The following KDM5A variants were observed in gnomAD, a reference collection of about 807,000 sequenced individuals.
KDM5A encodes lysine-specific demethylase 5A.
A neutral mutation model predicts 193.5 loss-of-function variants in KDM5A; 42 were observed. That is an observed-to-expected ratio of 0.22 (90% CI 0.17 to 0.28). The LOEUF (loss-of-function observed/expected upper bound fraction) is 0.28. Ranked by LOEUF, KDM5A falls within the 10% of genes least tolerant of loss-of-function variation. The probability of loss-of-function intolerance (pLI) is 1.00; values close to 1 mark genes in which losing one functional copy is unlikely to be tolerated. For missense variants in KDM5A, 1,692 were observed against 2,055.1 expected (o/e 0.82, Z 3.42); for synonymous variants, 796 against 718.1 (o/e 1.11, Z -1.73).
chr12:313,177 G>C lies in KDM5A; in HGVS notation c.2915C>G (p.Ala972Gly). The C allele has an allele frequency of 6.2e-7, 1 of 1,614,044 alleles. No individual in the cohort carries two copies. The highest frequency in any genetic ancestry group is 8.5e-7 in the Non-Finnish European group (1 of 1,179,952). ...CLQARPRHSV[A>G]SLESIVNEAK... is the part of the protein sequence containing the mutation. ...TTCATTCACAATGCTTTCTAAACTTGCCACACTGTGCCTCGGTCTAAAAGA... is the reference window on the plus strand; with the variant it reads ...TTCATTCACAATGCTTTCTAAACTTCCCACACTGTGCCTCGGTCTAAAAGA... The change falls in exon 20 of 28, where the codon GCA (alanine) becomes GGA (glycine). Residue 972 changes from alanine to glycine, a missense_variant. Ala to Gly is a moderately conservative substitution (Grantham distance 60, BLOSUM62 0). This residue lies in a region of KDM5A where 965 missense variants were observed against 1,061.0 expected (regional missense o/e 0.91). Transcript: ENST00000399788.
intron 20 of KDM5A, among the ~76,000 whole-genome samples, chr12:312,782 G>T (rs184370930): frequency 2.0e-5 from 3 of 152,272 alleles, no homozygotes; most frequent in African/African-American, 4.8e-5. Flanking sequence ...GACTGACTGG[G>T]AGCTGTGGCT....
At chr12:374,783 T>G (rs1944480229) in intron 3 of KDM5A, among the ~76,000 whole-genome samples, 1 of 152,192 alleles carries the variant, frequency 6.6e-6, no homozygotes, top group African/African-American at 2.4e-5. Flanking sequence ...TGACAAAATC[T>G]CTCAGCATTT....
chr12:357,853 A>C (rs1289910452), intron 5 of KDM5A, among the ~76,000 whole-genome samples: 1 of 149,116 alleles, frequency 6.7e-6, no homozygotes, highest in East Asian at 2.0e-4. Context: ...AAAAAAAAAA[A>C]AGCCCTTTTG....
intron 3 of KDM5A, among the ~76,000 whole-genome samples, chr12:367,182 G>C (rs376205359): frequency 2.0e-5 from 3 of 152,290 alleles, no homozygotes; most frequent in Admixed American, 6.5e-5. Flanking sequence ...TGAGAATAAA[G>C]GGGACTGTGA....
chr12:382,718 G>A (rs1342716889), intron 3 of KDM5A, among the ~76,000 whole-genome samples: 3 of 152,108 alleles, frequency 2.0e-5, no homozygotes, highest in Non-Finnish European at 2.9e-5. Flanking sequence ...CGGATCACGA[G>A]GTCAGAAGTT....
At chr12:298,060 T>A (rs534195346) in intron 24 of KDM5A, among the ~76,000 whole-genome samples, 5 of 152,118 alleles carry the variant, frequency 3.3e-5, no homozygotes, top group Non-Finnish European at 7.4e-5. Context: ...GACTTATAGA[T>A]AAAACCCCCA....
At chr12:325,912 G>A (rs555548186) in intron 14 of KDM5A, among the ~76,000 whole-genome samples, 1 of 152,152 alleles carries the variant, frequency 6.6e-6, no homozygotes, top group Non-Finnish European at 1.5e-5. Context: ...TACCCGGGAG[G>A]CTAAGGCAGG....
rs770784469 is a variant in KDM5A at position 322,544 on chromosome 12, G to A, written c.2299C>T (p.Leu767=). Residue 767 remains leucine, a synonymous_variant, in exon 17 of 28, where the codon CTG becomes TTG. Transcript: ENST00000399788. ...TATTTCCTATCCTCAGCATCTTCCAGCATTACTCGCAATTCAATCAAATCT... is the reference window on the plus strand; with the variant it reads ...TATTTCCTATCCTCAGCATCTTCCAACATTACTCGCAATTCAATCAAATCT... ...KKDLIELRVM[L]EDAEDRKYPE... The A allele has an allele frequency of 1.2e-6, 2 of 1,612,390 alleles. No homozygotes were observed. The highest frequency in any genetic ancestry group is 1.1e-5 in the South Asian group (1 of 91,034).
Position 319,630 on chromosome 12 carries a change from T to C in KDM5A, c.2542-1169A>G, listed in dbSNP as rs371778031. 9.9e-5 allele frequency among the ~76,000 whole-genome samples: 15 copies of C among 152,234 alleles called. No homozygotes were observed. In the East Asian group the frequency reaches 2.3e-3, roughly 24 times the overall value. On this transcript the variant is annotated intron_variant, in intron 18 of 27. Transcript: ENST00000399788. ...AGCCAGGCGTGGTGGTGTGCACCTA[T>C]AGTGCACCAGCAACTTGGGAGGCTG...
chr12:310,990 A>G lies in KDM5A; in HGVS notation c.3111T>C (p.Leu1037=). 1.2e-6 allele frequency: 2 copies of G among 1,614,186 alleles called. No individual in the cohort carries two copies. The highest frequency in any genetic ancestry group is 4.5e-5 in the East Asian group (2 of 44,890). The change falls in exon 21 of 28, where the codon CTT becomes CTC. Residue 1037 remains leucine, a synonymous_variant. Coordinates refer to ENST00000399788, the MANE Select transcript of KDM5A (RefSeq NM_001042603.3). Reference sequence around the variant, plus strand: ...GTGATTCCACTTGCGGCAGTGCTTCAAGACGCACAGGAATAGGGCGTCCTT... The same window carrying G: ...GTGATTCCACTTGCGGCAGTGCTTCGAGACGCACAGGAATAGGGCGTCCTT... ...SAKGRPIPVR[L]EALPQVESQV... is the part of the protein sequence containing the mutation.
At position 307,842 on chromosome 12, in the gene KDM5A, T is replaced by C. The variant is rs1943530644; in HGVS notation, c.3542A>G (p.Lys1181Arg). 6.2e-7 allele frequency: 1 copy of C among 1,614,196 alleles called. No homozygotes were observed. Reference sequence around the variant, plus strand: ...AACACAGCTGTTATGGAACCAGTCTTTGCAGAGCTCACACTGTAGCATAAA... The same window carrying C: ...AACACAGCTGTTATGGAACCAGTCTCTGCAGAGCTCACACTGTAGCATAAA... ...SGFMLQCELCKDWFHNSCVPL... is the reference protein window; with the variant it reads ...SGFMLQCELCRDWFHNSCVPL... The change falls in exon 23 of 28, where the codon AAA becomes AGA. Residue 1181 changes from lysine (K) to arginine (R), a missense_variant. By Grantham distance (26) the Lys-to-Arg change is conservative. Transcript: ENST00000399788. This position sits in a 1 kb window ranked among gnomAD's most constrained non-coding sequence, Gnocchi z 4.3.
intron 3 of KDM5A, among the ~76,000 whole-genome samples, chr12:375,801 C>A (rs965391170): frequency 6.6e-6 from 1 of 152,208 alleles, no homozygotes; most frequent in African/African-American, 2.4e-5. Context: ...TTCTAACAGT[C>A]AGGACCCTCA....
intron 27 of KDM5A, among the ~76,000 whole-genome samples, chr12:290,665 T>G (rs1943281036): frequency 6.6e-6 from 1 of 152,014 alleles, no homozygotes; most frequent in Non-Finnish European, 1.5e-5. Flanking sequence ...CTTATCATCA[T>G]AACCCTTTGA....
At chr12:356,605 G>T (rs965834544) in intron 5 of KDM5A, 68 bp from the exon 6 acceptor site, 14 of 965,302 alleles carry the variant, frequency 1.5e-5, no homozygotes, top group South Asian at 1.1e-4. Context: ...TTTACCCAAG[G>T]AAAGTTTCAG....
chr12:316,476 A>G (rs1488539562), intron 19 of KDM5A, among the ~76,000 whole-genome samples: 1 of 152,208 alleles, frequency 6.6e-6, no homozygotes, highest in African/African-American at 2.4e-5. Context: ...ATGAATTTGA[A>G]AGAGAGATAT....
intron 3 of KDM5A, among the ~76,000 whole-genome samples, chr12:370,186 A>C (rs1339986851): frequency 1.3e-5 from 2 of 152,206 alleles, no homozygotes; most frequent in African/African-American, 4.8e-5. Context: ...TGAGGTCGAG[A>C]GTTCGAAACC....
Position 354,230 on chromosome 12 carries a change from T to C in KDM5A, c.875A>G (p.Asp292Gly), listed in dbSNP as rs1215794918. 1 of 1,601,978 alleles carries C rather than the reference T, an allele frequency of 6.2e-7. No individual in the cohort carries two copies. The highest frequency in any genetic ancestry group is 8.5e-7 in the Non-Finnish European group (1 of 1,170,864). Residue 292 changes from aspartate to glycine, a missense_variant, in exon 8 of 28, where the codon GAT (aspartate) becomes GGT (glycine). By Grantham distance (94) the Asp-to-Gly change is moderately conservative. Transcript: ENST00000399788. ...ACCACAAAACATACAAACATAGAGA[T>C]CAACCTGTTAAAAAAAAAATAAATG... ...RKGTLSVNFV[D>G]LYVCMFCGRG...
intron 3 of KDM5A, among the ~76,000 whole-genome samples, chr12:366,666 T>C (rs1361259042): frequency 2.6e-5 from 4 of 152,150 alleles, no homozygotes; most frequent in Admixed American, 6.5e-5. Flanking sequence ...TGCAGTAGAT[T>C]TACCGATACG....
chr12:292,404 C>T (rs754055161), intron 27 of KDM5A, among the ~76,000 whole-genome samples: 1 of 152,092 alleles, frequency 6.6e-6, no homozygotes, highest in Admixed American at 6.6e-5. Flanking sequence ...TTGTGACTAT[C>T]CGACAAGGTA....
Sources: allele counts gnomAD v4.1 joint callset (sites outside exome capture counted in the v4.1 genomes callset), GRCh38; gene constraint gnomAD v4.1.1; regional missense constraint gnomAD v4.1.1; non-coding constraint Gnocchi (gnomAD v3.1); transcripts MANE v1.5; gene names NCBI Gene and HGNC (gene_info 2026-07-23, HGNC 2026-07-21).